The following ADAMTS12 variants were observed in gnomAD, a reference collection of about 807,000 sequenced individuals.
ADAMTS12 encodes A disintegrin and metalloproteinase with thrombospondin motifs 12.
In ADAMTS12, 118 loss-of-function variants were observed where a neutral mutation model predicts 167.8. The observed-to-expected ratio is 0.70, with a 90% confidence interval of 0.61 to 0.82. The LOEUF (loss-of-function observed/expected upper bound fraction) is 0.82, where lower values mean the gene tolerates loss of function less well. Among genes scored for constraint, ADAMTS12 ranks in the 40% least tolerant of loss-of-function variants. ADAMTS12 has a pLI of 0.00. For missense variants in ADAMTS12, 1,916 were observed against 1,998.8 expected (o/e 0.96, Z 0.79); for synonymous variants, 704 against 716.9 (o/e 0.98, Z 0.29).
At chr5:33,783,418 T>C (rs1308577095) in intron 2 of ADAMTS12, among the ~76,000 whole-genome samples, 1 of 151,172 alleles carries the variant, frequency 6.6e-6, no homozygotes, top group South Asian at 2.1e-4. Context: ...AGAAAATCAA[T>C]AGAAAAAAGT....
intron 7 of ADAMTS12, among the ~76,000 whole-genome samples, chr5:33,654,455 G>A (rs13159053): frequency 0.14 from 21,914 of 152,054 alleles, 1,913 homozygotes; most frequent in Non-Finnish European, 0.2. Context: ...AAGGGAGTGG[G>A]GCCACTGCTT....
chr5:33,592,181 A>G (rs1579716415), intron 17 of ADAMTS12, among the ~76,000 whole-genome samples: 1 of 152,264 alleles, frequency 6.6e-6, no homozygotes, highest in African/African-American at 2.4e-5. Flanking sequence ...GTGAGCCGAG[A>G]TTGCGCCATT....
chr5:33,746,939 G>A (rs1306216693), intron 3 of ADAMTS12, among the ~76,000 whole-genome samples: 1 of 152,174 alleles, frequency 6.6e-6, no homozygotes, highest in Non-Finnish European at 1.5e-5. Flanking sequence ...CTGCCCTTTT[G>A]GATGGCCTGC....
intron 3 of ADAMTS12, among the ~76,000 whole-genome samples, chr5:33,729,196 T>C (rs1291887140): frequency 6.6e-6 from 1 of 152,230 alleles, no homozygotes; most frequent in African/African-American, 2.4e-5. Flanking sequence ...TAGAGTTTAT[T>C]TGAGTGAATA....
intron 3 of ADAMTS12, among the ~76,000 whole-genome samples, chr5:33,702,842 T>C (rs1743051274): frequency 6.6e-6 from 1 of 152,202 alleles, no homozygotes; most frequent in Non-Finnish European, 1.5e-5. Context: ...ATTTCAGATG[T>C]AGGACCCTCA....
chr5:33,858,836 A>G (rs534495611), intron 2 of ADAMTS12, among the ~76,000 whole-genome samples: 2 of 152,018 alleles, frequency 1.3e-5, no homozygotes, highest in South Asian at 4.2e-4. Flanking sequence ...GACTGGTTAA[A>G]CAGTGAGTGC....
At chr5:33,694,604 C>A (rs4866366) in intron 3 of ADAMTS12, among the ~76,000 whole-genome samples, 7 of 151,768 alleles carry the variant, frequency 4.6e-5, no homozygotes, top group African/African-American at 1.7e-4. Context: ...AAAGACTGAA[C>A]GCAGAGAGCC....
rs1737846836 is a variant in ADAMTS12 at position 33,596,059 on chromosome 5, A to G, written c.2529T>C (p.Gly843=). The change falls in exon 17 of 24, where the codon GGT becomes GGC. Residue 843 remains glycine (G), a splice_region_variant and synonymous_variant. Transcript: ENST00000504830. ...TGCAATGGGCAGTTTGGCGGCGGAT[A>G]CCTGGGGGTCAGACAGAAAGATTCA... The part of the protein sequence containing the change: ...WTECSVTCGT[G]IRRQTAHCIK... 1 of 1,613,898 alleles carries G rather than the reference A, an allele frequency of 6.2e-7. No homozygotes were observed.
At chr5:33,845,402 C>T (rs949147670) in intron 2 of ADAMTS12, among the ~76,000 whole-genome samples, 9 of 152,132 alleles carry the variant, frequency 5.9e-5, no homozygotes, top group Admixed American at 5.9e-4. Flanking sequence ...ACACAGAAGC[C>T]AGATTGAAGG....
At chr5:33,876,656 T>G (rs1414571779) in intron 2 of ADAMTS12, among the ~76,000 whole-genome samples, 1 of 152,102 alleles carries the variant, frequency 6.6e-6, no homozygotes, top group African/African-American at 2.4e-5. Context: ...ATACAAAAAT[T>G]AACTCAAAAT....
rs188721114 is a variant in ADAMTS12, at chr5:33,677,449, T to C, written c.915+5569A>G. 1.9e-3 allele frequency among the ~76,000 whole-genome samples: 289 copies of C among 152,260 alleles called. 1 individual carries two copies. The highest frequency in any genetic ancestry group is 6.7e-3 in the African/African-American group (279 of 41,560). ...TATGGCTAGCAAGCAGTGGAACTAA[T>C]GATAAATCTGGTACTCTCTGTGATG... On this transcript the variant is annotated intron_variant, in intron 5 of 23. Coordinates refer to ENST00000504830, the MANE Select transcript of ADAMTS12 (RefSeq NM_030955.4).
At chr5:33,794,922 C>T (rs1384439101) in intron 2 of ADAMTS12, among the ~76,000 whole-genome samples, 3 of 152,118 alleles carry the variant, frequency 2.0e-5, no homozygotes, top group Non-Finnish European at 4.4e-5. Flanking sequence ...AAGGACAGTT[C>T]CCTAATGATG....
chr5:33,554,013 G>T (rs1014660942), intron 20 of ADAMTS12, among the ~76,000 whole-genome samples: 34 of 152,160 alleles, frequency 2.2e-4, no homozygotes, highest in Non-Finnish European at 3.1e-4. Flanking sequence ...TTGCAATCTA[G>T]CTGAGGCAGG....
chr5:33,711,993 G>C (rs1472848243), intron 3 of ADAMTS12, among the ~76,000 whole-genome samples: 1 of 152,126 alleles, frequency 6.6e-6, no homozygotes, highest in African/African-American at 2.4e-5. Context: ...TTTGGGCACA[G>C]TTCCAAAGCC....
At chr5:33,802,793 A>G (rs1204658225) in intron 2 of ADAMTS12, among the ~76,000 whole-genome samples, 1 of 152,178 alleles carries the variant, frequency 6.6e-6, no homozygotes, top group African/African-American at 2.4e-5. Flanking sequence ...GCAGTCCTCT[A>G]TGGGAGACGT....
chr5:33,794,089 A>G (rs546764535), intron 2 of ADAMTS12, among the ~76,000 whole-genome samples: 16 of 152,252 alleles, frequency 1.1e-4, no homozygotes, highest in Admixed American at 9.8e-4. Context: ...GGGAGCTCCC[A>G]GGGCCTTCCT....
intron 19 of ADAMTS12, among the ~76,000 whole-genome samples, chr5:33,568,359 T>C (rs889768797): frequency 5.9e-5 from 9 of 152,136 alleles, no homozygotes; most frequent in African/African-American, 2.2e-4. Flanking sequence ...ATGCAAGAAA[T>C]TTTGGAGGTG....
chr5:33,719,192 G>A (rs1192318550), intron 3 of ADAMTS12, among the ~76,000 whole-genome samples: 3 of 152,168 alleles, frequency 2.0e-5, no homozygotes, highest in Admixed American at 6.5e-5. Flanking sequence ...GCCAATGGAA[G>A]AGGAATAGAT....
chr5:33,705,487 A>G (rs1400730921), intron 3 of ADAMTS12, among the ~76,000 whole-genome samples: 1 of 152,162 alleles, frequency 6.6e-6, no homozygotes, highest in African/African-American at 2.4e-5. Context: ...TTGTGAACAT[A>G]TAAAAATCAG....
Sources: gnomAD v4.1 joint callset for allele counts (sites outside exome capture counted in the v4.1 genomes callset) on GRCh38, gnomAD v4.1.1 for gene constraint, MANE v1.5 for transcripts, NCBI Gene and HGNC (gene_info 2026-07-23, HGNC 2026-07-21) for gene names.